The following FAM20A variants were observed in gnomAD, a reference collection of about 807,000 sequenced individuals.
The protein encoded by FAM20A is FAM20A golgi associated secretory pathway pseudokinase.
A neutral mutation model predicts 52.0 loss-of-function variants in FAM20A; 42 were observed. The ratio of observed to expected loss-of-function variants is 0.81; its 90% CI spans 0.63 to 1.04. The LOEUF is 1.04. Ranked by LOEUF, FAM20A falls within the 50% of genes least tolerant of loss-of-function variation. FAM20A has a pLI of 0.00. For synonymous variants in FAM20A, 304 were observed against 298.9 expected, an observed-to-expected ratio of 1.02 and a Z score of -0.18; for missense variants, 742 against 712.7, an observed-to-expected ratio of 1.04 and a Z score of -0.47.
At chr17:68,575,791 TACACACACACACAC>T (rs761949775) in intron 1 of FAM20A, among the ~76,000 whole-genome samples, 15 of 104,216 alleles carry the variant, frequency 1.4e-4, no homozygotes, top group Non-Finnish European at 2.4e-4. Context: ...TTTTATATTA[TACACACACACACAC>T]ACACACACAC....
chr17:68,537,035 A>T lies in FAM20A; in HGVS notation c.*442T>A, dbSNP rs1342254722. The stretch of plus-strand genomic sequence containing the variant: ...GCGCTGGCCCAAAGTGCAGATTTTT[A>T]GTCAGCTTGTGATAGGCCAGGTGTT... On this transcript the variant is annotated 3_prime_UTR_variant, in exon 11 of 11. Transcript: ENST00000592554. The surrounding 1 kb of genome is among the most constrained non-coding windows in gnomAD (Gnocchi z 4.2). 2.2e-6 allele frequency: 1 copy of T among 455,840 alleles called. No individual in the cohort carries two copies. The highest frequency in any genetic ancestry group is 2.3e-5 in the Admixed American group (1 of 42,598). The allele number at this position is 455,840 out of a possible 1,614,324, so 28.2% of individuals were successfully genotyped here.
At chr17:68,595,646 T>C (rs905403304) in intron 1 of FAM20A, among the ~76,000 whole-genome samples, 20 of 152,052 alleles carry the variant, frequency 1.3e-4, no homozygotes, top group African/African-American at 4.6e-4. Flanking sequence ...TAGCTTAGCA[T>C]TGTTGGCGGG....
rs1568713197 is a variant in FAM20A, at chr17:68,536,400, T to C, written c.*1077A>G. 4.4e-6 allele frequency: 2 copies of C among 454,110 alleles called. No individual in the cohort carries two copies. The highest frequency in any genetic ancestry group is 1.6e-5 in the South Asian group (1 of 64,474). The allele number at this position is 454,110 out of a possible 1,614,324, so 28.1% of individuals were successfully genotyped here. ...TAATTATGGAATAAGAAACAAAGCC[T>C]CCTATTAAAAGGAGTTTCAGATATC... On this transcript the variant is annotated 3_prime_UTR_variant, in exon 11 of 11. Coordinates refer to ENST00000592554, the MANE Select transcript of FAM20A (RefSeq NM_017565.4).
In FAM20A at chr17:68,600,231, C is replaced by T; in HGVS notation, c.404+32G>A. 2.6e-6 allele frequency: 4 copies of T among 1,548,224 alleles called. No homozygotes were observed. The highest frequency in any genetic ancestry group is 3.5e-6 in the Non-Finnish European group (4 of 1,146,348). On this transcript the variant is annotated intron_variant, in intron 1 of 10. Coordinates refer to ENST00000592554, the MANE Select transcript of FAM20A (RefSeq NM_017565.4). The surrounding 1 kb of genome is among the most constrained non-coding windows in gnomAD (Gnocchi z 6.2). Reference sequence around the variant, plus strand: ...CGCGGGGAGGCCCCGGCCAGAGCGCCCGCTCTCCCGCGTCCCGGGCGGGGT... The same window carrying T: ...CGCGGGGAGGCCCCGGCCAGAGCGCTCGCTCTCCCGCGTCCCGGGCGGGGT...
rs2088592026 is a variant in FAM20A at position 68,600,527 on chromosome 17, G to A, written c.140C>T (p.Thr47Ile). The A allele has an allele frequency of 6.4e-7, 1 of 1,568,790 alleles. No individual in the cohort carries two copies. The highest frequency in any genetic ancestry group is 8.6e-7 in the Non-Finnish European group (1 of 1,157,600). The part of the protein sequence containing the change: ...PRERPRGCPC[T>I]GRASSLARDS... ...CCGCGCCAGGGAGGAGGCGCGGCCG[G>A]TGCACGGGCACCCCCGCGGGCGCTC... The change falls in exon 1 of 11, where the codon ACC becomes ATC. Residue 47 changes from threonine (T) to isoleucine (I), a missense_variant. By Grantham distance (89) the Thr-to-Ile change is moderately conservative (BLOSUM62 -1). Coordinates refer to ENST00000592554, the MANE Select transcript of FAM20A (RefSeq NM_017565.4). The surrounding 1 kb of genome is among the most constrained non-coding windows in gnomAD (Gnocchi z 6.2).
intron 1 of FAM20A, among the ~76,000 whole-genome samples, chr17:68,575,445 T>TATATATATTTTATATATTATATATA (rs201951180): frequency 1.8e-5 from 2 of 112,840 alleles, no homozygotes; most frequent in Non-Finnish European, 3.5e-5. Flanking sequence ...TTTTATATAT[T>TATATATATTTTATATATTATATATA]ATATATTTTA....
In FAM20A at chr17:68,554,021, T is replaced by TAC. The variant is rs1472706652; in HGVS notation, c.640+754_640+755dup. ...ACACATATATGCATATATACATATA[T>TAC]ACATATATACACACATGCATATATA... On this transcript the variant is annotated intron_variant, in intron 3 of 10. Coordinates refer to ENST00000592554, the MANE Select transcript of FAM20A (RefSeq NM_017565.4). Among the ~76,000 whole-genome samples the TAC allele has an allele frequency of 5.6e-3, 523 of 93,696 alleles. 7 individuals are homozygous for TAC. The highest frequency in any genetic ancestry group is 0.026 in the African/African-American group (452 of 17,650). The allele number at this position is 93,696 out of a possible 152,430, so 61.5% of individuals were successfully genotyped here. A position where few individuals can be genotyped will look rare whatever the true frequency, so the allele number is the denominator to read the frequency against.
At chr17:68,540,414 G>A (rs2143467986) in intron 8 of FAM20A, 1 of 457,300 alleles carries the variant, frequency 2.2e-6, no homozygotes, top group Non-Finnish European at 4.4e-6. Context: ...CTGTATGACG[G>A]CCACCTTCAT....
chr17:68,595,178 T>C (rs2088419355), intron 1 of FAM20A, among the ~76,000 whole-genome samples: 1 of 152,204 alleles, frequency 6.6e-6, no homozygotes, highest in Admixed American at 6.5e-5. Context: ...GATGAGAACT[T>C]GGTTGTGGTG....
intron 1 of FAM20A, among the ~76,000 whole-genome samples, chr17:68,574,139 A>T (rs2087658305): frequency 6.6e-6 from 1 of 151,802 alleles, no homozygotes; most frequent in African/African-American, 2.4e-5. Flanking sequence ...ATCATGGCTC[A>T]TTGCAGCCTC....
chr17:68,545,751 G>A lies in FAM20A; in HGVS notation c.720-2030C>T, dbSNP rs192120063. 2.6e-5 allele frequency among the ~76,000 whole-genome samples: 4 copies of A among 152,340 alleles called. No homozygotes were observed. In the East Asian group the frequency reaches 7.7e-4, roughly 29 times the overall value. On this transcript the variant is annotated intron_variant, in intron 4 of 10. Transcript: ENST00000592554. ...GTCAGTCCTCTCAAACCCTGCTGCT[G>A]CTTTATCAACTAAGTTTGCATAATA...
intron 4 of FAM20A, among the ~76,000 whole-genome samples, chr17:68,549,060 A>G (rs943584148): frequency 6.6e-6 from 1 of 152,172 alleles, no homozygotes; most frequent in African/African-American, 2.4e-5. Flanking sequence ...CTGACCAGGC[A>G]GAGATGTATT....
intron 1 of FAM20A, among the ~76,000 whole-genome samples, chr17:68,599,707 C>G (rs969411997): frequency 6.6e-6 from 1 of 152,146 alleles, no homozygotes; most frequent in African/African-American, 2.4e-5. Flanking sequence ...CCTCAGATGA[C>G]CCCCTTGTGA....
intron 1 of FAM20A, among the ~76,000 whole-genome samples, chr17:68,563,622 A>G (rs563999160): frequency 6.6e-6 from 1 of 151,842 alleles, no homozygotes; most frequent in Non-Finnish European, 1.5e-5. Context: ...AGATGATCTT[A>G]TAGGTGGGTC....
At chr17:68,577,012 A>C (rs2087789831) in intron 1 of FAM20A, among the ~76,000 whole-genome samples, 1 of 152,248 alleles carries the variant, frequency 6.6e-6, no homozygotes, top group Admixed American at 6.5e-5. Flanking sequence ...CCCAGAGTCC[A>C]GTCAGGGAAC....
chr17:68,600,687 C>CAGGCCAAGGGGGACTG lies in FAM20A; in HGVS notation c.-22_-21insCAGTCCCCCTTGGCCT, dbSNP rs1249102074. The CAGGCCAAGGGGGACTG allele has an allele frequency of 7.2e-6, 11 of 1,530,244 alleles. No homozygotes were observed. The East Asian group carries it at 2.7e-4, about 38-fold the overall frequency. 94.8% of individuals were successfully genotyped at this position (1,530,244 alleles called of 1,614,324 possible). On this transcript the variant is annotated 5_prime_UTR_variant, in exon 1 of 11. Transcript: ENST00000592554. The surrounding 1 kb of genome is among the most constrained non-coding windows in gnomAD (Gnocchi z 6.2). Reference sequence around the variant, plus strand: ...GGCATGGCGTGCTGGCCAAGGGGGACGCCGGGGGCAGGCCGGCTGTCTCCG... The same window carrying CAGGCCAAGGGGGACTG: ...GGCATGGCGTGCTGGCCAAGGGGGACAGGCCAAGGGGGACTGGCCGGGGGCAGGCCGGCTGTCTCCG...
intron 1 of FAM20A, among the ~76,000 whole-genome samples, chr17:68,571,581 G>A (rs982772773): frequency 1.3e-5 from 2 of 152,150 alleles, no homozygotes; most frequent in African/African-American, 4.8e-5. Context: ...ATAGCACTCG[G>A]CTTTTAAATT....
At position 68,601,332 on chromosome 17, in the gene FAM20A, G is replaced by C. The variant is rs936042110; in HGVS notation, c.-666C>G. ...GCGCCGGCACCCCCACCCACTCTCC[G>C]CTGGCACCTGCCTCTGGCGCAGCTG... On this transcript the variant is annotated 5_prime_UTR_variant, in exon 1 of 11. Coordinates refer to ENST00000592554, the MANE Select transcript of FAM20A (RefSeq NM_017565.4). 1 of 152,516 alleles carries C rather than the reference G, an allele frequency of 6.6e-6. No homozygotes were observed. Among genetic ancestry groups the C allele is most frequent in the Non-Finnish European group, 1.5e-5 (1 of 68,350 alleles). The allele number at this position is 152,516 out of a possible 1,614,324, so 9.4% of individuals were successfully genotyped here.
intron 3 of FAM20A, among the ~76,000 whole-genome samples, chr17:68,554,034 A>ATG (rs1339792057): frequency 9.6e-5 from 7 of 72,912 alleles, no homozygotes; most frequent in Non-Finnish European, 1.5e-4. Flanking sequence ...ATATATACAC[A>ATG]CATGCATATA....
Sources: allele counts gnomAD v4.1 joint callset (sites outside exome capture counted in the v4.1 genomes callset), GRCh38; gene constraint gnomAD v4.1.1; non-coding constraint Gnocchi (gnomAD v3.1); transcripts MANE v1.5; gene names NCBI Gene and HGNC (gene_info 2026-07-23, HGNC 2026-07-21).